SV2C: variants seen among roughly 807,000 people sequenced by gnomAD.
SV2C encodes solute carrier family 22 member B3.
Under a neutral mutation model 79.7 loss-of-function variants are expected in SV2C, and 49 were observed. That is an observed-to-expected ratio of 0.61 (90% CI 0.49 to 0.78). SV2C has a LOEUF of 0.78. SV2C is among the 30% of genes least tolerant of loss of function. SV2C has a pLI of 0.00. For synonymous variants in SV2C, 334 were observed against 333.2 expected, an observed-to-expected ratio of 1.00 and a Z score of -0.03; for missense variants, 833 against 912.9, an observed-to-expected ratio of 0.91 and a Z score of 1.13.
In SV2C at chr5:76,340,967, G is replaced by T. The variant is rs1198964816; in HGVS notation, c.2001-12163G>T. ...TTTTCCGAGATGGAGTTTCACTCTT[G>T]TCGCCCAGGCTGGAGTGCACTAGTG... On this transcript the variant is annotated intron_variant, in intron 12 of 12. Transcript: ENST00000322285. 1.7e-4 allele frequency among the ~76,000 whole-genome samples: 20 copies of T among 119,610 alleles called. No individual in the cohort carries two copies. In the Admixed American group the frequency reaches 2.1e-3, roughly 13 times the overall value. 78.5% of individuals were successfully genotyped at this position (119,610 alleles called of 152,430 possible).
At chr5:76,160,231 T>A (rs1486081933) in intron 2 of SV2C, among the ~76,000 whole-genome samples, 1 of 152,066 alleles carries the variant, frequency 6.6e-6, no homozygotes, top group South Asian at 2.1e-4. Flanking sequence ...AATATGGGAT[T>A]TCAAAACATA....
intron 4 of SV2C, among the ~76,000 whole-genome samples, chr5:76,259,109 G>C (rs1339149205): frequency 6.6e-6 from 1 of 152,182 alleles, no homozygotes; most frequent in Non-Finnish European, 1.5e-5. Context: ...GTTGGGGAAA[G>C]AATTAATTTT....
chr5:76,078,837 C>T, upstream of SV2C: 1 of 584,986 alleles, frequency 1.7e-6, no homozygotes, highest in Admixed American at 1.9e-5. Context: ...ACAAAAACAG[C>T]ATCTTTGCCA....
In SV2C at chr5:76,320,573, CAAAAACATCTATTCATATTTCTA is replaced by C. The variant is rs560212241; in HGVS notation, c.2001-4783_2001-4761del. Among the ~76,000 whole-genome samples, 238 of 152,176 alleles carry C rather than the reference CAAAAACATCTATTCATATTTCTA, an allele frequency of 1.6e-3. 2 individuals carry two copies. Among genetic ancestry groups the C allele is most frequent in the African/African-American group, 5.5e-3 (227 of 41,494 alleles). On this transcript the variant is annotated intron_variant, in intron 12 of 12. Transcript: ENST00000502798. ...TTTTTGTTGTAAACCTAAAGCTGCT[CAAAAACATCTATTCATATTTCTA>C]AAAAACAGCAAAAAGACAGTTTAGC... is the stretch of plus-strand genomic sequence containing the variant.
At chr5:76,152,236 T>C (rs2112231929) in intron 2 of SV2C, among the ~76,000 whole-genome samples, 1 of 152,306 alleles carries the variant, frequency 6.6e-6, no homozygotes, top group East Asian at 1.9e-4. Context: ...GGTTTTAATG[T>C]AGATTTTTAA....
the SV2C span, among the ~76,000 whole-genome samples, chr5:75,984,590 T>TCTACCTAC: frequency 2.0e-5 from 2 of 99,126 alleles, no homozygotes; most frequent in African/African-American, 3.0e-5. Context: ...TATCTATCTA[T>TCTACCTAC]CTATCTACCT....
chr5:76,327,590 C>G lies in SV2C; in HGVS notation c.*2043C>G, dbSNP rs1749050368. The G allele has an allele frequency of 6.6e-6, 1 of 152,164 alleles. No homozygotes were observed. The highest frequency in any genetic ancestry group is 1.5e-5 in the Non-Finnish European group (1 of 68,036). The allele number at this position is 152,164 out of a possible 1,614,324, so 9.4% of individuals were successfully genotyped here. A position where few individuals can be genotyped will look rare whatever the true frequency, so the allele number is the denominator to read the frequency against. ...CTTCTTTAAAAAGACATTTGGGGAC[C>G]TGAGCAGGTCTTTTAGTTGAATGCA... On this transcript the variant is annotated 3_prime_UTR_variant, in exon 13 of 13. Transcript: ENST00000502798.
intron 1 of SV2C, among the ~76,000 whole-genome samples, chr5:76,117,644 A>G (rs975281899): frequency 6.6e-6 from 1 of 152,184 alleles, no homozygotes; most frequent in Non-Finnish European, 1.5e-5. Context: ...ATACTAATAC[A>G]TGTAGGAATT....
At chr5:76,150,391 T>C (rs965718267) in intron 2 of SV2C, among the ~76,000 whole-genome samples, 3 of 152,090 alleles carry the variant, frequency 2.0e-5, no homozygotes, top group Non-Finnish European at 4.4e-5. Context: ...TTGGCCAGGA[T>C]GGTCTCAATC....
intron 4 of SV2C, among the ~76,000 whole-genome samples, chr5:76,240,327 CT>C (rs1359926689): frequency 3.9e-5 from 6 of 152,240 alleles, no homozygotes; most frequent in African/African-American, 1.4e-4. Context: ...CACCTGTCCC[CT>C]GATATCAGTG....
At chr5:76,233,827 T>C (rs7704510) in intron 4 of SV2C, among the ~76,000 whole-genome samples, 12,229 of 143,684 alleles carry the variant, frequency 0.085, 1,784 homozygotes, top group African/African-American at 0.31. Flanking sequence ...TGATGTGCTG[T>C]TGCATTCGTT....
chr5:76,000,547 C>T, the SV2C span, among the ~76,000 whole-genome samples: 8 of 152,190 alleles, frequency 5.3e-5, no homozygotes, highest in Non-Finnish European at 1.0e-4. Context: ...CACTCAAATT[C>T]GAGAAGCCCT....
chr5:76,057,339 A>T, the SV2C span, among the ~76,000 whole-genome samples: 1 of 151,648 alleles, frequency 6.6e-6, no homozygotes, highest in African/African-American at 2.4e-5. Flanking sequence ...TTAACTCATC[A>T]TTTACATTAG....
the SV2C span, among the ~76,000 whole-genome samples, chr5:76,034,497 T>C: frequency 0.41 from 62,955 of 152,034 alleles, 15,151 homozygotes; most frequent in Middle Eastern, 0.58. Context: ...TCTGCATCTG[T>C]TGAGATAATC....
intron 12 of SV2C, among the ~76,000 whole-genome samples, chr5:76,318,289 G>A (rs572499278): frequency 2.6e-5 from 4 of 152,178 alleles, no homozygotes; most frequent in South Asian, 2.1e-4. Flanking sequence ...ATGATGGTGC[G>A]CACCTGTAAT....
At chr5:76,065,299 A>C in the SV2C span, among the ~76,000 whole-genome samples, 1 of 152,236 alleles carries the variant, frequency 6.6e-6, no homozygotes, top group African/African-American at 2.4e-5. Flanking sequence ...TGGAATATAC[A>C]TTTTTAAAGT....
At chr5:76,108,231 T>G (rs1747986909) in intron 1 of SV2C, among the ~76,000 whole-genome samples, 1 of 152,190 alleles carries the variant, frequency 6.6e-6, no homozygotes, top group Non-Finnish European at 1.5e-5. Flanking sequence ...AAGCATTTTT[T>G]AAAGTTCTTG....
At chr5:76,216,707 G>A (rs897226727) in intron 4 of SV2C, among the ~76,000 whole-genome samples, 1 of 152,182 alleles carries the variant, frequency 6.6e-6, no homozygotes. Flanking sequence ...TTCAAGAACA[G>A]ATAGGTCAGG....
upstream of SV2C, among the ~76,000 whole-genome samples, chr5:76,081,095 G>T (rs1456565834): frequency 2.6e-5 from 4 of 152,158 alleles, no homozygotes; most frequent in African/African-American, 9.7e-5. Flanking sequence ...TTTTCCTAAA[G>T]GAGCTGTTAC....
Sources: gnomAD v4.1 joint callset for allele counts (sites outside exome capture counted in the v4.1 genomes callset) on GRCh38, gnomAD v4.1.1 for gene constraint, MANE v1.5 for transcripts, NCBI Gene and HGNC (gene_info 2026-07-23, HGNC 2026-07-21) for gene names.